Variants in ITSN1 observed in about 807,000 individuals in gnomAD.
ITSN1 encodes intersectin-1.
ITSN1 carries 58 observed loss-of-function variants against 239.8 expected under a neutral mutation model. That is an observed-to-expected ratio of 0.24 (90% CI 0.20 to 0.30). The LOEUF (loss-of-function observed/expected upper bound fraction) is 0.30. Among genes scored for constraint, ITSN1 ranks in the 10% least tolerant of loss-of-function variants. ITSN1 has a pLI of 1.00. For synonymous variants in ITSN1, 780 were observed against 770.8 expected, an observed-to-expected ratio of 1.01 and a Z score of -0.20; for missense variants, 1,558 against 2,103.3, an observed-to-expected ratio of 0.74 and a Z score of 5.07.
chr21:33,731,087 CACG>C (rs1184954918), intron 4 of ITSN1, among the ~76,000 whole-genome samples: 1 of 152,182 alleles, frequency 6.6e-6, no homozygotes, highest in Non-Finnish European at 1.5e-5. Flanking sequence ...TTTTGAGTAT[CACG>C]ACATTTTCAA....
In ITSN1 at chr21:33,642,549, C is replaced by G; in HGVS notation, c.-197C>G. The G allele has an allele frequency of 6.5e-6, 1 of 152,876 alleles. No homozygotes were observed. Among genetic ancestry groups the G allele is most frequent in the East Asian group, 1.9e-4 (1 of 5,178 alleles). The allele number at this position is 152,876 out of a possible 1,614,324, so 9.5% of individuals were successfully genotyped here. The stretch of plus-strand genomic sequence containing the variant: ...GGGAGGGAGCGTAGCTTGGTTGCTC[C>G]GTAGTACGGCGGCTCGCGAGGAAGA... On this transcript the variant is annotated 5_prime_UTR_variant, in exon 1 of 40. Coordinates refer to ENST00000381318, the MANE Select transcript of ITSN1 (RefSeq NM_003024.3).
At chr21:33,813,845 T>C in intron 21 of ITSN1, 68 bp from the exon 22 acceptor site, 2 of 1,424,696 alleles carry the variant, frequency 1.4e-6, no homozygotes, top group African/African-American at 1.4e-5. Flanking sequence ...TTTGGTACTT[T>C]ACTGTGGGTA....
rs537519038 is a variant in ITSN1, at chr21:33,878,338, C to T, written c.4341+2817C>T. Among the ~76,000 whole-genome samples the T allele has an allele frequency of 2.0e-5, 3 of 152,110 alleles. No homozygotes were observed. The South Asian group carries it at 6.3e-4, about 32-fold the overall frequency. ...GTGAGCCACCACGCCTGGCCAGAAG[C>T]CTCTCATTTGGTTTCTAATTTTCTT... is the stretch of plus-strand genomic sequence containing the variant. On this transcript the variant is annotated intron_variant, in intron 34 of 39. Transcript: ENST00000381318.
chr21:33,700,990 T>TG (rs1375498602), intron 1 of ITSN1, among the ~76,000 whole-genome samples: 13 of 149,462 alleles, frequency 8.7e-5, no homozygotes, highest in African/African-American at 3.2e-4. Context: ...TGTGTGTGTG[T>TG]TTTCTTATAG....
At chr21:33,664,272 CTGGAATCCTCATACATTG>C (rs1355007860) in intron 1 of ITSN1, among the ~76,000 whole-genome samples, 1 of 152,202 alleles carries the variant, frequency 6.6e-6, no homozygotes, top group Non-Finnish European at 1.5e-5. Context: ...TGTGAAGAAA[CTGGAATCCTCATACATTG>C]TTGGTGTGAA....
At chr21:33,794,278 G>A in intron 16 of ITSN1, 63 bp from the exon 17 acceptor site, 1 of 1,241,980 alleles carries the variant, frequency 8.1e-7, no homozygotes. Context: ...GTTGCATGCT[G>A]ATAAATAGTT....
chr21:33,848,060 A>G (rs1283936607), intron 29 of ITSN1, among the ~76,000 whole-genome samples: 1 of 152,196 alleles, frequency 6.6e-6, no homozygotes, highest in Non-Finnish European at 1.5e-5. Flanking sequence ...TGCCGCACTG[A>G]TCCCCTGAAA....
At chr21:33,867,086 A>C in intron 32 of ITSN1, 147 bp from the exon 33 acceptor site, 1 of 616,594 alleles carries the variant, frequency 1.6e-6, no homozygotes, top group Non-Finnish European at 2.9e-6. Context: ...CAGGGTAACT[A>C]GTCAGGCCCT....
intron 35 of ITSN1, 59 bp from the exon 36 acceptor site, chr21:33,883,490 GT>G: frequency 6.3e-7 from 1 of 1,598,802 alleles, no homozygotes; most frequent in Non-Finnish European, 8.5e-7. Context: ...CACACTCACG[GT>G]TTACCGGAGC....
chr21:33,871,344 G>A (rs1263448500), intron 33 of ITSN1, among the ~76,000 whole-genome samples: 1 of 150,474 alleles, frequency 6.6e-6, no homozygotes, highest in Non-Finnish European at 1.5e-5. Flanking sequence ...CAATCCTATG[G>A]TATGATGCAT....
chr21:33,727,967 AT>A lies in ITSN1; in HGVS notation c.185+5334del, dbSNP rs1257578712. ...GTCTAGTCTCCAAACAGCAGCTGGAATTTTTTTTTTTTTTTTTTGAGACAAA... is the reference window on the plus strand; with the variant it reads ...GTCTAGTCTCCAAACAGCAGCTGGAATTTTTTTTTTTTTTTTTGAGACAAA... On this transcript the variant is annotated intron_variant, in intron 4 of 39. Transcript: ENST00000381318. 4.5e-3 allele frequency among the ~76,000 whole-genome samples: 618 copies of A among 137,126 alleles called. 1 individual carries two copies. The highest frequency in any genetic ancestry group is 0.023 in the Middle Eastern group (6 of 264). The allele number at this position is 137,126 out of a possible 152,430, so 90.0% of individuals were successfully genotyped here. A position where few individuals can be genotyped will look rare whatever the true frequency, so the allele number is the denominator to read the frequency against.
chr21:33,828,633 CT>C (rs966821130), intron 26 of ITSN1, among the ~76,000 whole-genome samples: 1 of 152,098 alleles, frequency 6.6e-6, no homozygotes, highest in Non-Finnish European at 1.5e-5. Context: ...CCTCTTTCTT[CT>C]TTTTTTTCTG....
In ITSN1 at chr21:33,818,444, A is replaced by G; in HGVS notation, c.2905A>G (p.Ile969Val). ...GTTCCCCAAGTCTTACGTGAAACTCATTTCAGGGCCCATAAGGAAGTCTAC... is the reference window on the plus strand; with the variant it reads ...GTTCCCCAAGTCTTACGTGAAACTCGTTTCAGGGCCCATAAGGAAGTCTAC... Reference protein sequence around the residue: ...GWFPKSYVKLISGPIRKSTSM... With the variant: ...GWFPKSYVKLVSGPIRKSTSM... The change falls in exon 23 of 40, where the codon ATT becomes GTT. Residue 969 changes from isoleucine to valine, a missense_variant. Transcript: ENST00000381318. The G allele has an allele frequency of 6.2e-7, 1 of 1,613,888 alleles. No individual in the cohort carries two copies. The highest frequency in any genetic ancestry group is 8.5e-7 in the Non-Finnish European group (1 of 1,179,762).
intron 1 of ITSN1, among the ~76,000 whole-genome samples, chr21:33,714,307 C>A (rs1419646462): frequency 6.6e-6 from 1 of 152,000 alleles, no homozygotes; most frequent in Non-Finnish European, 1.5e-5. Context: ...AGAGAGAGAA[C>A]GTGGAGTCCC....
intron 1 of ITSN1, among the ~76,000 whole-genome samples, chr21:33,683,391 C>G (rs1474138033): frequency 6.6e-6 from 1 of 152,172 alleles, no homozygotes. Flanking sequence ...CCATTGAGGG[C>G]CCTGTTTATC....
intron 8 of ITSN1, among the ~76,000 whole-genome samples, chr21:33,757,952 C>T (rs1029881864): frequency 6.6e-6 from 1 of 152,156 alleles, no homozygotes; most frequent in East Asian, 1.9e-4. Flanking sequence ...TAGTAGCTCA[C>T]TGCAGCCTTG....
intron 4 of ITSN1, among the ~76,000 whole-genome samples, chr21:33,733,575 A>G (rs77138211): frequency 0.018 from 2,724 of 152,050 alleles, 78 homozygotes; most frequent in African/African-American, 0.061. Flanking sequence ...TCAGCAGATA[A>G]ACAGTTAATT....
chr21:33,808,125 T>TG (rs2072607293), intron 20 of ITSN1, among the ~76,000 whole-genome samples: 1 of 150,008 alleles, frequency 6.7e-6, no homozygotes, highest in African/African-American at 2.5e-5. Flanking sequence ...AAGCGGAGCT[T>TG]GCAGTGAGCC....
intron 4 of ITSN1, among the ~76,000 whole-genome samples, chr21:33,727,967 A>ATT (rs1257578712): frequency 7.1e-4 from 98 of 137,200 alleles, no homozygotes; most frequent in Middle Eastern, 3.8e-3. Context: ...AGCAGCTGGA[A>ATT]TTTTTTTTTT....
Sources: allele counts gnomAD v4.1 joint callset (sites outside exome capture counted in the v4.1 genomes callset), GRCh38; gene constraint gnomAD v4.1.1; transcripts MANE v1.5; gene names NCBI Gene and HGNC (gene_info 2026-07-23, HGNC 2026-07-21).